PDE4D: variants seen among roughly 807,000 people sequenced by gnomAD.
PDE4D encodes phosphodiesterase 4D.
Under a neutral mutation model 87.4 loss-of-function variants are expected in PDE4D, and 24 were observed. The ratio of observed to expected loss-of-function variants is 0.27; its 90% CI spans 0.20 to 0.39. The LOEUF is 0.39. Among genes scored for constraint, PDE4D ranks in the 10% least tolerant of loss-of-function variants. The pLI, the probability that PDE4D is intolerant of heterozygous loss-of-function variation, is 1.00. For missense variants in PDE4D, 714 were observed against 1,041.0 expected, an observed-to-expected ratio of 0.69 and a Z score of 4.32; for synonymous variants, 384 against 383.2, an observed-to-expected ratio of 1.00 and a Z score of -0.02.
intron 1 of PDE4D, among the ~76,000 whole-genome samples, chr5:60,424,654 T>G (rs551496761): frequency 6.6e-6 from 1 of 152,172 alleles, no homozygotes; most frequent in Non-Finnish European, 1.5e-5. Flanking sequence ...ACCACCCCTA[T>G]GCAACTTAGT....
chr5:59,410,130 T>A (rs1335955437), intron 1 of PDE4D, among the ~76,000 whole-genome samples: 2 of 152,222 alleles, frequency 1.3e-5, no homozygotes, highest in Admixed American at 1.3e-4. Flanking sequence ...TATTGTTGAC[T>A]GTAGTCACCC....
chr5:60,181,347 C>A (rs540454768), intron 2 of PDE4D, among the ~76,000 whole-genome samples: 1 of 152,198 alleles, frequency 6.6e-6, no homozygotes, highest in South Asian at 2.1e-4. Flanking sequence ...TTCTAGGGAG[C>A]CTACTGGGAA....
chr5:60,472,933 T>C (rs1389759931), intron 1 of PDE4D, among the ~76,000 whole-genome samples: 1 of 152,150 alleles, frequency 6.6e-6, no homozygotes, highest in Non-Finnish European at 1.5e-5. Flanking sequence ...TAGGCTAAGC[T>C]ATGACATTTG....
chr5:60,423,304 A>G (rs1010614878), intron 1 of PDE4D, among the ~76,000 whole-genome samples: 36 of 152,138 alleles, frequency 2.4e-4, no homozygotes, highest in African/African-American at 8.4e-4. Context: ...GTAAAGCACT[A>G]CTCAGCAAAT....
intron 1 of PDE4D, among the ~76,000 whole-genome samples, chr5:59,804,854 T>G (rs1388520753): frequency 6.6e-6 from 1 of 152,174 alleles, no homozygotes; most frequent in Non-Finnish European, 1.5e-5. Flanking sequence ...TGCAATGACA[T>G]GATCTCAGCT....
At chr5:59,182,551 C>T (rs1171049240) in intron 4 of PDE4D, among the ~76,000 whole-genome samples, 1 of 151,872 alleles carries the variant, frequency 6.6e-6, no homozygotes, top group Admixed American at 6.6e-5. Context: ...TTAGTCCTTG[C>T]TCTGTGAAAA....
intron 2 of PDE4D, among the ~76,000 whole-genome samples, chr5:60,076,366 G>T (rs1717645504): frequency 6.6e-6 from 1 of 152,130 alleles, no homozygotes; most frequent in South Asian, 2.1e-4. Flanking sequence ...CACCATGTTG[G>T]CCAGGGTGGT....
chr5:60,144,219 C>T (rs561968565), intron 2 of PDE4D, among the ~76,000 whole-genome samples: 1 of 152,308 alleles, frequency 6.6e-6, no homozygotes, highest in South Asian at 2.1e-4. Context: ...GGCTCTGTTT[C>T]TCCATGTTTG....
chr5:59,083,126 TA>T (rs1170523214), intron 5 of PDE4D, among the ~76,000 whole-genome samples: 1 of 152,134 alleles, frequency 6.6e-6, no homozygotes, highest in Non-Finnish European at 1.5e-5. Flanking sequence ...TAACACTTGA[TA>T]GTTTGACTAT....
intron 1 of PDE4D, among the ~76,000 whole-genome samples, chr5:59,598,216 A>G (rs1372720681): frequency 6.6e-6 from 1 of 152,194 alleles, no homozygotes; most frequent in Non-Finnish European, 1.5e-5. Flanking sequence ...ACATAAAGAC[A>G]CAAAAGAGCT....
intron 1 of PDE4D, among the ~76,000 whole-genome samples, chr5:60,495,939 G>C (rs1003886546): frequency 1.3e-5 from 2 of 152,158 alleles, no homozygotes; most frequent in South Asian, 2.1e-4. Flanking sequence ...AGCAAAACAG[G>C]GCTATTTGTT....
rs561010647 is a variant in PDE4D, at chr5:59,315,898, G to T, written c.456-99930C>A. Reference sequence around the variant, plus strand: ...AGCTGGCCCAAAAGGAAGTATGATGGGAGGAGATCAGGAAGAATCAGGAAA... The same window carrying T: ...AGCTGGCCCAAAAGGAAGTATGATGTGAGGAGATCAGGAAGAATCAGGAAA... On this transcript the variant is annotated intron_variant, in intron 1 of 14. Coordinates refer to ENST00000340635, the MANE Select transcript of PDE4D (RefSeq NM_001104631.2). Among the ~76,000 whole-genome samples, 17 of 152,266 alleles carry T rather than the reference G, an allele frequency of 1.1e-4. 1 individual carries two copies. The highest frequency in any genetic ancestry group is 1.1e-3 in the Admixed American group (17 of 15,300).
At chr5:59,140,344 G>A (rs1212233041) in intron 5 of PDE4D, among the ~76,000 whole-genome samples, 1 of 152,176 alleles carries the variant, frequency 6.6e-6, no homozygotes, top group East Asian at 1.9e-4. Context: ...TCTCAATGTG[G>A]CTATAAATTT....
At chr5:59,430,473 T>G (rs560444005) in intron 1 of PDE4D, 2 of 1,207,544 alleles carry the variant, frequency 1.7e-6, no homozygotes, top group South Asian at 4.2e-5. Flanking sequence ...CCAGCATTCC[T>G]GGGAAGGCTG....
intron 1 of PDE4D, among the ~76,000 whole-genome samples, chr5:59,282,661 A>AG (rs1369698104): frequency 1.3e-5 from 2 of 151,416 alleles, no homozygotes; most frequent in East Asian, 1.9e-4. Context: ...AAAAAAAAAA[A>AG]AAAAAAAGAT....
At chr5:59,241,101 C>T (rs1757574866) in intron 1 of PDE4D, among the ~76,000 whole-genome samples, 1 of 152,144 alleles carries the variant, frequency 6.6e-6, no homozygotes, top group African/African-American at 2.4e-5. Flanking sequence ...AGTTACAGAT[C>T]TCCAAAGCTT....
intron 1 of PDE4D, chr5:60,430,042 T>C (rs1031801866): frequency 1.9e-5 from 10 of 523,014 alleles, no homozygotes; most frequent in African/African-American, 1.5e-4. Flanking sequence ...GTATGAGACG[T>C]TGCTTATTCC....
intron 1 of PDE4D, among the ~76,000 whole-genome samples, chr5:59,686,064 T>C (rs1453479547): frequency 6.6e-6 from 1 of 152,162 alleles, no homozygotes; most frequent in African/African-American, 2.4e-5. Context: ...GACCCAGTTT[T>C]AAGGCTTTTG....
chr5:59,919,390 A>G (rs957361302), intron 3 of PDE4D, among the ~76,000 whole-genome samples: 3 of 152,182 alleles, frequency 2.0e-5, no homozygotes, highest in Admixed American at 6.5e-5. Context: ...TGTGTACCAT[A>G]CAATCTGCAT....
Sources: allele counts gnomAD v4.1 joint callset (sites outside exome capture counted in the v4.1 genomes callset), GRCh38; gene constraint gnomAD v4.1.1; transcripts MANE v1.5; gene names NCBI Gene and HGNC (gene_info 2026-07-23, HGNC 2026-07-21).